Variants in GLI2 observed in about 807,000 individuals in gnomAD.
GLI2 encodes the protein transcription activator GLI2.
GLI2 carries 22 observed loss-of-function variants against 78.9 expected under a neutral mutation model. The observed-to-expected ratio is 0.28, with a 90% confidence interval of 0.20 to 0.40. The LOEUF (loss-of-function observed/expected upper bound fraction) is 0.40, where lower values mean the gene tolerates loss of function less well. Among genes scored for constraint, GLI2 ranks in the 10% least tolerant of loss-of-function variants. The probability of loss-of-function intolerance (pLI) is 1.00; values close to 1 mark genes in which losing one functional copy is unlikely to be tolerated. For synonymous variants in GLI2, 974 were observed against 963.7 expected (o/e 1.01, Z -0.20); for missense variants, 2,097 against 2,213.2 (o/e 0.95, Z 1.05).
At chr2:120,912,923 G>A (rs1016629119) in intron 2 of GLI2, among the ~76,000 whole-genome samples, 2 of 152,188 alleles carry the variant, frequency 1.3e-5, no homozygotes, top group East Asian at 3.9e-4. Context: ...AATCCCTTGG[G>A]CGGGGCACCG....
At chr2:120,773,937 C>A (rs1479212215) in intron 1 of GLI2, among the ~76,000 whole-genome samples, 3 of 131,726 alleles carry the variant, frequency 2.3e-5, no homozygotes, top group African/African-American at 8.3e-5. Context: ...TTCCTTCCCT[C>A]CCTCCCTCCC....
intron 2 of GLI2, among the ~76,000 whole-genome samples, chr2:120,826,591 C>T (rs939496091): frequency 6.6e-6 from 1 of 152,140 alleles, no homozygotes; most frequent in Non-Finnish European, 1.5e-5. Flanking sequence ...CATGTATGGT[C>T]TTTCGTGTCT....
intron 1 of GLI2, among the ~76,000 whole-genome samples, chr2:120,775,866 G>A (rs1484518545): frequency 6.6e-6 from 1 of 152,214 alleles, no homozygotes; most frequent in African/African-American, 2.4e-5. Context: ...CACAGGGGAT[G>A]GGCAGGAGGC....
chr2:120,747,852 C>T (rs1033129525), intron 1 of GLI2, among the ~76,000 whole-genome samples: 46 of 152,218 alleles, frequency 3.0e-4, no homozygotes, highest in African/African-American at 1.1e-3. Flanking sequence ...TCACACCAGG[C>T]TGGAAATCTT....
At chr2:120,967,848 C>G (rs1681933333) in intron 5 of GLI2, among the ~76,000 whole-genome samples, 1 of 152,240 alleles carries the variant, frequency 6.6e-6, no homozygotes, top group Non-Finnish European at 1.5e-5. Context: ...CAGGATGCCT[C>G]TCGCTGCCAT....
chr2:120,936,174 T>G (rs2104900755), intron 3 of GLI2, among the ~76,000 whole-genome samples: 1 of 152,254 alleles, frequency 6.6e-6, no homozygotes, highest in South Asian at 2.1e-4. Flanking sequence ...ACTCTTCACA[T>G]CCTTGGGCTT....
chr2:120,798,367 A>G (rs982789359), intron 2 of GLI2, among the ~76,000 whole-genome samples: 5 of 152,092 alleles, frequency 3.3e-5, no homozygotes, highest in African/African-American at 9.7e-5. Context: ...GAGTTTCTGC[A>G]TTTCTGTTGG....
rs755680499 is a variant in GLI2 at position 120,990,070 on chromosome 2, G to T, written c.4105G>T (p.Val1369Leu). The change falls in exon 14 of 14, where the codon GTA becomes TTA. Residue 1369 changes from valine (V) to leucine (L), a missense_variant. This residue lies in a region of GLI2 where 1,290 missense variants were observed against 1,261.7 expected (regional missense o/e 1.02). Coordinates refer to ENST00000361492, the MANE Select transcript of GLI2 (RefSeq NM_001374353.1). ...EPSPTGRHRG[V>L]RAVQQQLAYA... is the part of the protein sequence containing the mutation. ...CAGCCCCACTGGCCGCCACCGTGGG[G>T]TACGTGCTGTGCAGCAGCAGCTGGC... The T allele has an allele frequency of 6.2e-6, 10 of 1,600,412 alleles. No individual in the cohort carries two copies. Among genetic ancestry groups the T allele is most frequent in the Non-Finnish European group, 6.8e-6 (8 of 1,172,526 alleles).
At chr2:120,824,841 G>T (rs572888807) in intron 2 of GLI2, among the ~76,000 whole-genome samples, 2 of 152,276 alleles carry the variant, frequency 1.3e-5, no homozygotes, top group Admixed American at 6.5e-5. Flanking sequence ...TGTTGTTGTT[G>T]TTGTTTTGTC....
chr2:120,913,366 CAA>C (rs1027420718), intron 2 of GLI2, among the ~76,000 whole-genome samples: 1 of 152,180 alleles, frequency 6.6e-6, no homozygotes, highest in Admixed American at 6.5e-5. Context: ...ATCTCATTAA[CAA>C]TTTTTTTACT....
At chr2:120,883,702 A>G (rs1304539040) in intron 2 of GLI2, among the ~76,000 whole-genome samples, 1 of 152,222 alleles carries the variant, frequency 6.6e-6, no homozygotes, top group African/African-American at 2.4e-5. Flanking sequence ...CTGTGGTCAC[A>G]TAGCTCAGAT....
At chr2:120,913,728 C>G (rs528455197) in intron 2 of GLI2, among the ~76,000 whole-genome samples, 20 of 152,342 alleles carry the variant, frequency 1.3e-4, no homozygotes, top group South Asian at 1.0e-3. Flanking sequence ...ACAGTAAGTC[C>G]AGCCCCAGTG....
At chr2:120,927,658 A>G (rs2104871009) in intron 3 of GLI2, among the ~76,000 whole-genome samples, 192 bp downstream of exon 3, 1 of 152,322 alleles carries the variant, frequency 6.6e-6, no homozygotes, top group South Asian at 2.1e-4. Flanking sequence ...TGGGCAGTGT[A>G]TAAACACCAA....
intron 2 of GLI2, among the ~76,000 whole-genome samples, chr2:120,900,037 G>A (rs1336589642): frequency 1.3e-5 from 2 of 152,182 alleles, no homozygotes; most frequent in Admixed American, 6.5e-5. Context: ...AGAGGCTGCC[G>A]GCCGGGGGCC....
intron 2 of GLI2, among the ~76,000 whole-genome samples, chr2:120,828,210 G>A (rs951558602): frequency 6.6e-6 from 1 of 152,224 alleles, no homozygotes; most frequent in African/African-American, 2.4e-5. Flanking sequence ...CTTTATGCAT[G>A]AGAGCAGCTT....
At chr2:120,763,747 G>T (rs1337033146) in intron 1 of GLI2, among the ~76,000 whole-genome samples, 1 of 152,266 alleles carries the variant, frequency 6.6e-6, no homozygotes, top group South Asian at 2.1e-4. Flanking sequence ...AGCATTGCCG[G>T]GTTCTCAGGA....
chr2:120,968,969 G>T (rs997269735), intron 6 of GLI2, 54 bp downstream of exon 6: 1 of 1,416,340 alleles, frequency 7.1e-7, no homozygotes, highest in South Asian at 1.2e-5. Flanking sequence ...CTGAGGGCCC[G>T]GTGGGGAGGC....
intron 2 of GLI2, among the ~76,000 whole-genome samples, chr2:120,863,037 C>T (rs1687973515): frequency 6.6e-6 from 1 of 152,224 alleles, no homozygotes. Context: ...ACAACATCTG[C>T]TTCATAGGCC....
chr2:120,968,099 C>T (rs1286173671), intron 5 of GLI2, among the ~76,000 whole-genome samples: 2 of 152,212 alleles, frequency 1.3e-5, no homozygotes, highest in East Asian at 3.8e-4. Context: ...AACAGGCAAG[C>T]TTCTGCCACA....
Sources: gnomAD v4.1 joint callset for allele counts (sites outside exome capture counted in the v4.1 genomes callset) on GRCh38, gnomAD v4.1.1 for gene constraint, gnomAD v4.1.1 regional missense constraint, MANE v1.5 for transcripts, NCBI Gene and HGNC (gene_info 2026-07-23, HGNC 2026-07-21) for gene names.